The following DOT1L variants were observed in gnomAD, a reference collection of about 807,000 sequenced individuals.
DOT1L encodes histone-lysine N-methyltransferase, H3 lysine-79 specific.
Under a neutral mutation model 153.3 loss-of-function variants are expected in DOT1L, and 33 were observed. That is an observed-to-expected ratio of 0.22 (90% CI 0.16 to 0.29). The LOEUF is 0.29. Among genes scored for constraint, DOT1L ranks in the 10% least tolerant of loss-of-function variants. The probability of loss-of-function intolerance (pLI) is 1.00; values close to 1 mark genes in which losing one functional copy is unlikely to be tolerated. For missense variants in DOT1L, 1,847 were observed against 2,119.9 expected (o/e 0.87, Z 2.53); for synonymous variants, 1,135 against 965.1 (o/e 1.18, Z -3.26).
chr19:2,221,781 C>G (rs1281120709), intron 23 of DOT1L, 195 bp from the exon 24 acceptor site: 4 of 600,678 alleles, frequency 6.7e-6, no homozygotes, highest in Non-Finnish European at 1.2e-5. Context: ...GGCACAGGGT[C>G]AGCCCTGAGC....
At chr19:2,214,364 A>AC in intron 18 of DOT1L, 107 bp from the exon 19 acceptor site, 1 of 1,517,690 alleles carries the variant, frequency 6.6e-7, no homozygotes. Flanking sequence ...TGCCCTAAGC[A>AC]CACATGCTGT....
At chr19:2,184,389 G>C (rs1467774045) in intron 2 of DOT1L, among the ~76,000 whole-genome samples, 5 of 152,104 alleles carry the variant, frequency 3.3e-5, no homozygotes, top group Non-Finnish European at 7.4e-5. Flanking sequence ...AGTGTGGAAG[G>C]GTCTTGGAGG....
At position 2,180,771 on chromosome 19, in the gene DOT1L, T is replaced by C. The variant is rs776369421; in HGVS notation, c.125+15T>C. On this transcript the variant is annotated intron_variant, in intron 2 of 27. Transcript: ENST00000398665. The stretch of plus-strand genomic sequence containing the variant: ...GAGACCATCCGGTGAGTGCACGGCC[T>C]GCAGTGTGTTGTCTTCACAGCCCTG... The C allele has an allele frequency of 2.5e-6, 4 of 1,613,604 alleles. No individual in the cohort carries two copies. Among genetic ancestry groups the C allele is most frequent in the African/African-American group, 1.3e-5 (1 of 74,926 alleles).
At chr19:2,185,548 C>T (rs1038566716) in intron 2 of DOT1L, among the ~76,000 whole-genome samples, 5 of 152,160 alleles carry the variant, frequency 3.3e-5, no homozygotes, top group Non-Finnish European at 5.9e-5. Context: ...GTGGGCGGAT[C>T]ACTTCAGGTC....
At chr19:2,214,631 C>A in intron 19 of DOT1L, 35 bp downstream of exon 19, 2 of 1,596,230 alleles carry the variant, frequency 1.3e-6, no homozygotes, top group South Asian at 2.2e-5. Flanking sequence ...CCGTGGTGTC[C>A]GAGCCTCTCC....
intron 2 of DOT1L, 70 bp from the exon 3 acceptor site, chr19:2,185,785 C>G: frequency 1.3e-6 from 2 of 1,561,948 alleles, no homozygotes; most frequent in Middle Eastern, 3.4e-4. Context: ...AAAACAAAAA[C>G]AAAAACAAAA....
intron 27 of DOT1L, chr19:2,227,530 G>A: frequency 1.8e-6 from 1 of 561,676 alleles, no homozygotes; most frequent in Non-Finnish European, 3.0e-6. Context: ...GGGGGGAGCG[G>A]CCTGGCCCTG....
chr19:2,227,714 G>T (rs1429761540), intron 27 of DOT1L: 29 of 1,304,628 alleles, frequency 2.2e-5, no homozygotes, highest in Non-Finnish European at 2.7e-5. Context: ...TGTTGAAGCT[G>T]CGTTTTTCTC....
chr19:2,181,674 C>G (rs1271122660), intron 2 of DOT1L, among the ~76,000 whole-genome samples: 1 of 152,196 alleles, frequency 6.6e-6, no homozygotes, highest in African/African-American at 2.4e-5. Context: ...GTAGGGGCCC[C>G]TCTGTTCTTT....
rs954257677 is a variant in DOT1L, at chr19:2,231,306, C to T, written c.*1514C>T. 5 of 219,486 alleles carry T rather than the reference C, an allele frequency of 2.3e-5. No individual in the cohort carries two copies. The highest frequency in any genetic ancestry group is 3.7e-4 in the South Asian group (2 of 5,406). The allele number at this position is 219,486 out of a possible 1,614,324, so 13.6% of individuals were successfully genotyped here. ...CTTCCCCAAGGTGCCACAGATCCAC[C>T]CTCCAGGGAGCTGCCAGCCCTGTGT... On this transcript the variant is annotated 3_prime_UTR_variant, in exon 28 of 28. Coordinates refer to ENST00000398665, the MANE Select transcript of DOT1L (RefSeq NM_032482.3).
In DOT1L at chr19:2,214,460, T is replaced by C. The variant is rs751333370; in HGVS notation, c.1798-11T>C. On this transcript the variant is annotated splice_polypyrimidine_tract_variant and intron_variant, in intron 18 of 27. Transcript: ENST00000398665. Reference sequence around the variant, plus strand: ...CAGCCAGTCGCAACTGTCCCATCCCTATCCCCTCAGCTCAAGGCTCGCTGC... The same window carrying C: ...CAGCCAGTCGCAACTGTCCCATCCCCATCCCCTCAGCTCAAGGCTCGCTGC... 8.7e-6 allele frequency: 14 copies of C among 1,612,306 alleles called. No individual in the cohort carries two copies. The East Asian group carries it at 3.1e-4, about 36-fold the overall frequency.
chr19:2,218,889 A>T (rs987021662), intron 22 of DOT1L, among the ~76,000 whole-genome samples: 1 of 150,046 alleles, frequency 6.7e-6, no homozygotes, highest in Non-Finnish European at 1.5e-5. Context: ...GCTGAGACGG[A>T]GTCTTGCTCT....
intron 8 of DOT1L, among the ~76,000 whole-genome samples, chr19:2,200,995 TCATTCCTCGTCCTCCCCG>T (rs1555721631): frequency 1.1e-4 from 6 of 55,448 alleles, no homozygotes; most frequent in Admixed American, 1.9e-4. Flanking sequence ...CGTCGTCCCC[TCATTCCTCGTCCTCCCCG>T]CATTCCTCGT....
chr19:2,214,649 C>T (rs1403725163), intron 19 of DOT1L, 53 bp downstream of exon 19: 2 of 1,595,314 alleles, frequency 1.3e-6, no homozygotes, highest in East Asian at 4.5e-5. Context: ...TCCCATCAGC[C>T]TCCCTGTGAC....
At chr19:2,221,885 C>T (rs2024129570) in intron 23 of DOT1L, 91 bp from the exon 24 acceptor site, 1 of 1,293,610 alleles carries the variant, frequency 7.7e-7, no homozygotes, top group Middle Eastern at 1.9e-4. Context: ...CTCCTGGAGC[C>T]CACAGAGCTC....
intron 7 of DOT1L, 75 bp from the exon 8 acceptor site, chr19:2,199,809 T>C (rs1047250830): frequency 6.7e-7 from 1 of 1,484,984 alleles, no homozygotes; most frequent in Non-Finnish European, 9.1e-7. Context: ...TTCCATTCTT[T>C]CTTCACAGGG....
rs761784625 is a variant in DOT1L, at chr19:2,202,798, C to T, written c.787+19C>T. ...AAGGAAGGTAAGGCGCCCTCCTCGC[C>T]GGTCTGTGCTGGTGTGACATGATTG... On this transcript the variant is annotated intron_variant, in intron 9 of 27. Transcript: ENST00000398665. 2.9e-5 allele frequency: 47 copies of T among 1,613,914 alleles called. No individual in the cohort carries two copies. The highest frequency in any genetic ancestry group is 6.7e-5 in the Admixed American group (4 of 60,000).
rs2144832943 is a variant in DOT1L, at chr19:2,210,781, C to G, written c.1277C>G (p.Pro426Arg). ...AACACTGCGAACCCCGAGCGGAAGC[C>G]CAAGAAGAACCAAACTGCACTGGAT... ...KMNTANPERK[P>R]KKNQTALDAL... Residue 426 changes from proline (P) to arginine (R), a missense_variant, in exon 14 of 28, where the codon CCC (proline) becomes CGC (arginine). By Grantham distance (103) the Pro-to-Arg change is moderately radical (BLOSUM62 -2). Around this residue, in one of 8 missense-constraint regions of DOT1L, gnomAD observed 205 missense variants for 203.1 expected, o/e 1.01. Coordinates refer to ENST00000398665, the MANE Select transcript of DOT1L (RefSeq NM_032482.3). 2 of 1,613,012 alleles carry G rather than the reference C, an allele frequency of 1.2e-6. No homozygotes were observed. Among genetic ancestry groups the G allele is most frequent in the South Asian group, 1.1e-5 (1 of 91,084 alleles).
At chr19:2,221,703 A>G (rs1277208550) in intron 23 of DOT1L, 4 of 475,574 alleles carry the variant, frequency 8.4e-6, no homozygotes, top group South Asian at 4.5e-5. Flanking sequence ...CCGCACCAGG[A>G]GGCTTCTTGG....
Sources: allele counts gnomAD v4.1 joint callset (sites outside exome capture counted in the v4.1 genomes callset), GRCh38; gene constraint gnomAD v4.1.1; regional missense constraint gnomAD v4.1.1; transcripts MANE v1.5; gene names NCBI Gene and HGNC (gene_info 2026-07-23, HGNC 2026-07-21).